The following SPAG16 variants were observed in gnomAD, a reference collection of about 807,000 sequenced individuals.
The protein encoded by SPAG16 is sperm-associated antigen 16 protein.
A neutral mutation model predicts 80.4 loss-of-function variants in SPAG16; 86 were observed. The ratio of observed to expected loss-of-function variants is 1.07; its 90% CI spans 0.90 to 1.28. The LOEUF is 1.28. SPAG16 is among the 50% of genes most tolerant of loss of function. The pLI, the probability that SPAG16 is intolerant of heterozygous loss-of-function variation, is 0.00. For missense variants in SPAG16, 870 were observed against 765.3 expected, an observed-to-expected ratio of 1.14 and a Z score of -1.61; for synonymous variants, 294 against 265.9, an observed-to-expected ratio of 1.11 and a Z score of -1.03.
intron 10 of SPAG16, among the ~76,000 whole-genome samples, chr2:213,809,360 G>A (rs1362105590): frequency 6.6e-6 from 1 of 152,088 alleles, no homozygotes; most frequent in African/African-American, 2.4e-5. Flanking sequence ...GGTATGTACT[G>A]TAAGTTGGAA....
intron 12 of SPAG16, among the ~76,000 whole-genome samples, chr2:213,969,005 A>G (rs2044870618): frequency 6.6e-6 from 1 of 152,216 alleles, no homozygotes; most frequent in Non-Finnish European, 1.5e-5. Context: ...GACAGCTTGC[A>G]GAGCTAAGCA....
rs771064135 is a variant in SPAG16 at position 213,509,082 on chromosome 2, C to T, written c.1070+18992C>T. Reference sequence around the variant, plus strand: ...TGCAATCTCGGCTCACTGCAGTCTCCGCCTTCCAAGTTCAAGTGATTCTTC... The same window carrying T: ...TGCAATCTCGGCTCACTGCAGTCTCTGCCTTCCAAGTTCAAGTGATTCTTC... On this transcript the variant is annotated intron_variant, in intron 10 of 15. Coordinates refer to ENST00000331683, the MANE Select transcript of SPAG16 (RefSeq NM_024532.5). Among the ~76,000 whole-genome samples, 16 of 151,806 alleles carry T rather than the reference C, an allele frequency of 1.1e-4. 1 individual carries two copies. The highest frequency in any genetic ancestry group is 4.2e-4 in the South Asian group (2 of 4,810).
chr2:213,390,125 C>A (rs2067664138), intron 9 of SPAG16, among the ~76,000 whole-genome samples: 1 of 152,056 alleles, frequency 6.6e-6, no homozygotes, highest in African/African-American at 2.4e-5. Context: ...GTGAAATAAA[C>A]CAATAACAGA....
chr2:213,641,991 G>T (rs945032801), intron 10 of SPAG16, among the ~76,000 whole-genome samples: 1 of 152,196 alleles, frequency 6.6e-6, no homozygotes, highest in African/African-American at 2.4e-5. Context: ...AGAACAGCAT[G>T]GGGAAACCAT....
intron 15 of SPAG16, among the ~76,000 whole-genome samples, chr2:214,156,454 A>G (rs745723525): frequency 1.1e-4 from 17 of 152,156 alleles, no homozygotes; most frequent in Non-Finnish European, 2.1e-4. Flanking sequence ...TCTGCTTAAA[A>G]ATAATTATTA....
intron 9 of SPAG16, chr2:213,422,476 G>C (rs1302175815): frequency 3.5e-6 from 2 of 572,382 alleles, no homozygotes; most frequent in Middle Eastern, 4.6e-4. Context: ...CTTGCCTTTG[G>C]CTGGTGTGGA....
At position 213,310,068 on chromosome 2, in the gene SPAG16, A is replaced by G. The variant is rs754969399; in HGVS notation, c.289A>G (p.Thr97Ala). 1.9e-6 allele frequency: 3 copies of G among 1,600,338 alleles called. No homozygotes were observed. The highest frequency in any genetic ancestry group is 1.3e-5 in the African/African-American group (1 of 74,192). ...CACGTTTAAATTTCAGGAACGGAAA[A>G]CAGTTCTTCCTTCAAAGCATGCAGT... is the stretch of plus-strand genomic sequence containing the variant. ...ATDTEILERK[T>A]VLPSKHAVPE... Residue 97 changes from threonine (T) to alanine (A), a missense_variant, in exon 4 of 16, where the codon ACA becomes GCA. By Grantham distance (58) the Thr-to-Ala change is moderately conservative. Coordinates refer to ENST00000331683, the MANE Select transcript of SPAG16 (RefSeq NM_024532.5).
At chr2:214,167,595 A>G (rs1262709824) in intron 15 of SPAG16, among the ~76,000 whole-genome samples, 3 of 152,168 alleles carry the variant, frequency 2.0e-5, no homozygotes, top group Admixed American at 2.0e-4. Context: ...GATCCCTTCT[A>G]TATGCCCACA....
intron 15 of SPAG16, among the ~76,000 whole-genome samples, chr2:214,215,149 A>C (rs1409330842): frequency 6.6e-6 from 1 of 152,110 alleles, no homozygotes; most frequent in Non-Finnish European, 1.5e-5. Flanking sequence ...GACAAGACTC[A>C]TAGATGACCC....
intron 15 of SPAG16, among the ~76,000 whole-genome samples, chr2:214,268,983 T>C (rs968542755): frequency 3.3e-5 from 5 of 152,050 alleles, no homozygotes; most frequent in African/African-American, 1.2e-4. Context: ...TTTGCCAGAC[T>C]TTCATTTATA....
At chr2:214,279,438 A>G (rs956305279) in intron 15 of SPAG16, among the ~76,000 whole-genome samples, 14 of 152,312 alleles carry the variant, frequency 9.2e-5, no homozygotes, top group Admixed American at 3.3e-4. Context: ...ACAGTGCTAC[A>G]TTTGCATCAT....
At chr2:214,250,299 A>G (rs1348978072) in intron 15 of SPAG16, 1 of 152,132 alleles carries the variant, frequency 6.6e-6, no homozygotes, top group Non-Finnish European at 1.5e-5. Flanking sequence ...AATCTCAAAG[A>G]AAGTTAAAAG....
chr2:214,172,573 G>A (rs953590055), intron 15 of SPAG16, among the ~76,000 whole-genome samples: 4 of 152,068 alleles, frequency 2.6e-5, no homozygotes, highest in African/African-American at 9.7e-5. Context: ...GTGTGCATGT[G>A]TCCTTATAGC....
At chr2:213,672,213 A>G (rs1255877763) in intron 10 of SPAG16, among the ~76,000 whole-genome samples, 2 of 150,976 alleles carry the variant, frequency 1.3e-5, no homozygotes, top group African/African-American at 2.4e-5. Context: ...TTTCCTTTCC[A>G]GGGGCCTAGT....
rs117835776 is a variant in SPAG16, at chr2:213,639,573, T to C, written c.1070+149483T>C. Reference sequence around the variant, plus strand: ...TAAGGAGGCTAAAGATAGGATCCCATCCCTGCTAGCTTACAGGGTTTCTGC... The same window carrying C: ...TAAGGAGGCTAAAGATAGGATCCCACCCCTGCTAGCTTACAGGGTTTCTGC... On this transcript the variant is annotated intron_variant, in intron 10 of 15. Coordinates refer to ENST00000331683, the MANE Select transcript of SPAG16 (RefSeq NM_024532.5). Among the ~76,000 whole-genome samples the C allele has an allele frequency of 1.3e-3, 202 of 152,312 alleles. 1 individual carries two copies. In the East Asian group the frequency reaches 0.035, roughly 26 times the overall value.
At chr2:213,988,887 C>G (rs2046149817) in intron 12 of SPAG16, among the ~76,000 whole-genome samples, 1 of 152,022 alleles carries the variant, frequency 6.6e-6, no homozygotes, top group African/African-American at 2.4e-5. Flanking sequence ...CAAGTAGATT[C>G]AATGTAATTC....
intron 6 of SPAG16, among the ~76,000 whole-genome samples, chr2:213,344,078 G>A (rs2124989040): frequency 6.6e-6 from 1 of 152,194 alleles, no homozygotes; most frequent in East Asian, 1.9e-4. Context: ...CTTATTTTCT[G>A]TTCCCCTGTA....
At chr2:214,288,750 C>CATTTATTT (rs1347336091) in intron 15 of SPAG16, among the ~76,000 whole-genome samples, 7 of 35,608 alleles carry the variant, frequency 2.0e-4, no homozygotes, top group Non-Finnish European at 4.5e-4. Flanking sequence ...GTCCTTTGCC[C>CATTTATTT]ACTTATTTAT....
At position 213,706,837 on chromosome 2, in the gene SPAG16, G is replaced by T. The variant is rs554472178; in HGVS notation, c.1071-155648G>T. Among the ~76,000 whole-genome samples, 3 of 152,292 alleles carry T rather than the reference G, an allele frequency of 2.0e-5. No individual in the cohort carries two copies. The South Asian group carries it at 6.2e-4, about 32-fold the overall frequency. On this transcript the variant is annotated intron_variant, in intron 10 of 15. Transcript: ENST00000331683. ...ATTATACTCACTGTCTGTAGCTACA[G>T]ATATATTTGAAGGCTTGACTGAAGC...
Sources: allele counts gnomAD v4.1 joint callset (sites outside exome capture counted in the v4.1 genomes callset), GRCh38; gene constraint gnomAD v4.1.1; transcripts MANE v1.5; gene names NCBI Gene and HGNC (gene_info 2026-07-23, HGNC 2026-07-21).